Variants in ASIC2 observed in about 807,000 individuals in gnomAD.
The protein encoded by ASIC2 is acid-sensing ion channel 2.
ASIC2 carries 25 observed loss-of-function variants against 57.3 expected under a neutral mutation model. That is an observed-to-expected ratio of 0.44 (90% CI 0.32 to 0.61). The LOEUF (loss-of-function observed/expected upper bound fraction) is 0.61, where lower values mean the gene tolerates loss of function less well. Among genes scored for constraint, ASIC2 ranks in the 20% least tolerant of loss-of-function variants. ASIC2 has a pLI of 0.06. For missense variants in ASIC2, 641 were observed against 738.1 expected (o/e 0.87, Z 1.52); for synonymous variants, 319 against 307.5 (o/e 1.04, Z -0.39).
chr17:33,233,659 A>G (rs755466761), intron 1 of ASIC2, among the ~76,000 whole-genome samples: 23 of 151,642 alleles, frequency 1.5e-4, no homozygotes, highest in Admixed American at 8.6e-4. Context: ...GGGTGGATGT[A>G]GGCCACACAT....
At chr17:33,095,687 G>A (rs2092176021) in intron 2 of ASIC2, among the ~76,000 whole-genome samples, 1 of 152,224 alleles carries the variant, frequency 6.6e-6, no homozygotes, top group African/African-American at 2.4e-5. Flanking sequence ...GCTGTGTAGG[G>A]ACTTCAGGCC....
intron 1 of ASIC2, among the ~76,000 whole-genome samples, chr17:33,504,345 TTTG>T (rs1222593519): frequency 2.0e-5 from 3 of 152,150 alleles, no homozygotes; most frequent in Non-Finnish European, 4.4e-5. Context: ...TAGTATCTTT[TTTG>T]TTGTTGTTGA....
intron 1 of ASIC2, among the ~76,000 whole-genome samples, chr17:33,578,027 A>G (rs570608360): frequency 1.2e-4 from 19 of 152,094 alleles, no homozygotes; most frequent in Non-Finnish European, 2.5e-4. Context: ...CACAGCGAGG[A>G]CTCAAGGACT....
intron 1 of ASIC2, among the ~76,000 whole-genome samples, chr17:33,224,927 G>A (rs1907825119): frequency 1.3e-5 from 2 of 152,222 alleles, no homozygotes; most frequent in African/African-American, 4.8e-5. Flanking sequence ...GGGAGAAGGA[G>A]TAACTCTACA....
chr17:33,143,963 G>T (rs1904434949), intron 1 of ASIC2, among the ~76,000 whole-genome samples: 2 of 152,070 alleles, frequency 1.3e-5, no homozygotes, highest in Non-Finnish European at 2.9e-5. Flanking sequence ...ACATGGTCTG[G>T]TATAATATGG....
chr17:33,696,682 A>G (rs1396359153), intron 1 of ASIC2, among the ~76,000 whole-genome samples: 4 of 152,170 alleles, frequency 2.6e-5, no homozygotes, highest in African/African-American at 7.2e-5. Context: ...ATGTCCCCCA[A>G]ATTTAACTAA....
At chr17:34,065,403 C>T (rs1220132142) in intron 1 of ASIC2, among the ~76,000 whole-genome samples, 2 of 152,086 alleles carry the variant, frequency 1.3e-5, no homozygotes, top group African/African-American at 4.8e-5. Flanking sequence ...AAATATGGTG[C>T]AGTGTATACT....
At chr17:33,083,240 C>G (rs2092120335) in intron 3 of ASIC2, among the ~76,000 whole-genome samples, 1 of 152,204 alleles carries the variant, frequency 6.6e-6, no homozygotes, top group Non-Finnish European at 1.5e-5. Flanking sequence ...ACAATCCTTG[C>G]TCTCAGAGGG....
At chr17:33,699,281 T>C (rs1194212913) in intron 1 of ASIC2, among the ~76,000 whole-genome samples, 1 of 152,084 alleles carries the variant, frequency 6.6e-6, no homozygotes, top group Non-Finnish European at 1.5e-5. Context: ...ACGTGGCCCA[T>C]CCTTAGCGTG....
chr17:34,096,267 G>C lies in ASIC2; in HGVS notation c.555+59711C>G, dbSNP rs76891654. Among the ~76,000 whole-genome samples the C allele has an allele frequency of 3.1e-3, 470 of 152,276 alleles. 11 individuals carry two copies. The East Asian group carries it at 0.059, about 19-fold the overall frequency. On this transcript the variant is annotated intron_variant, in intron 1 of 9. Transcript: ENST00000359872. ...TGAAGGATATGGAGGAGTTAGCCCT[G>C]GAAAGGAGGAGAAGACTGGAGGAGA... is the stretch of plus-strand genomic sequence containing the variant.
chr17:33,575,020 G>C (rs1458057683), intron 1 of ASIC2, among the ~76,000 whole-genome samples: 2 of 152,166 alleles, frequency 1.3e-5, no homozygotes, highest in Non-Finnish European at 1.5e-5. Flanking sequence ...GGTGGCACCA[G>C]GAGTGGGGAG....
At chr17:34,039,776 C>T in intron 1 of ASIC2, 2 of 1,611,726 alleles carry the variant, frequency 1.2e-6, no homozygotes, top group South Asian at 1.1e-5. Flanking sequence ...TTGGAAGACT[C>T]ACTATTAAGT....
chr17:33,658,965 T>C (rs949067142), intron 1 of ASIC2, among the ~76,000 whole-genome samples: 2 of 152,148 alleles, frequency 1.3e-5, no homozygotes, highest in South Asian at 2.1e-4. Flanking sequence ...ATCGCGCCAC[T>C]GCACTCCAAC....
At chr17:33,865,777 A>C (rs1364055968) in intron 1 of ASIC2, among the ~76,000 whole-genome samples, 66 of 100,350 alleles carry the variant, frequency 6.6e-4, no homozygotes, top group African/African-American at 2.4e-3. Context: ...AAAAACAAAA[A>C]AAAAAACGTT....
intron 3 of ASIC2, among the ~76,000 whole-genome samples, chr17:33,073,919 G>C (rs1260847572): frequency 6.6e-6 from 1 of 152,128 alleles, no homozygotes; most frequent in Non-Finnish European, 1.5e-5. Flanking sequence ...GACAGAAGAG[G>C]GAGAGGGGAG....
intron 1 of ASIC2, among the ~76,000 whole-genome samples, chr17:33,135,047 C>G (rs563420849): frequency 6.6e-6 from 1 of 152,110 alleles, no homozygotes; most frequent in Non-Finnish European, 1.5e-5. Context: ...CACTGTGACT[C>G]GGAGAAGAAA....
chr17:34,043,379 A>G (rs1431755055), intron 1 of ASIC2, among the ~76,000 whole-genome samples: 3 of 152,350 alleles, frequency 2.0e-5, no homozygotes, highest in Admixed American at 6.5e-5. Context: ...AATGCCTTAA[A>G]TGGAGGGGGG....
intron 1 of ASIC2, among the ~76,000 whole-genome samples, chr17:33,680,406 G>A (rs984301327): frequency 6.6e-6 from 1 of 152,052 alleles, no homozygotes; most frequent in East Asian, 1.9e-4. Context: ...GTTAGACTAC[G>A]CAGGCTTTCA....
At chr17:33,860,282 G>T (rs532252355) in intron 1 of ASIC2, among the ~76,000 whole-genome samples, 11 of 152,300 alleles carry the variant, frequency 7.2e-5, no homozygotes, top group African/African-American at 2.4e-4. Flanking sequence ...AGGGCAGGCT[G>T]CCTAGAATTC....
Sources: allele counts gnomAD v4.1 joint callset (sites outside exome capture counted in the v4.1 genomes callset), GRCh38; gene constraint gnomAD v4.1.1; transcripts MANE v1.5; gene names NCBI Gene and HGNC (gene_info 2026-07-23, HGNC 2026-07-21).